The following FAM171A1 variants were observed in gnomAD, a reference collection of about 807,000 sequenced individuals.
FAM171A1 encodes the protein protein FAM171A1.
In FAM171A1, 23 loss-of-function variants were observed where a neutral mutation model predicts 74.9. The ratio of observed to expected loss-of-function variants is 0.31; its 90% CI spans 0.22 to 0.44. The LOEUF (loss-of-function observed/expected upper bound fraction) is 0.44. Ranked by LOEUF, FAM171A1 falls within the 20% of genes least tolerant of loss-of-function variation. The probability of loss-of-function intolerance (pLI) is 1.00; values close to 1 mark genes in which losing one functional copy is unlikely to be tolerated. For synonymous variants in FAM171A1, 527 were observed against 505.7 expected, an observed-to-expected ratio of 1.04 and a Z score of -0.57; for missense variants, 1,162 against 1,159.2, an observed-to-expected ratio of 1.00 and a Z score of -0.03.
chr10:15,330,896 AT>A (rs200136317), intron 1 of FAM171A1, among the ~76,000 whole-genome samples: 5 of 134,012 alleles, frequency 3.7e-5, no homozygotes, highest in African/African-American at 8.4e-5. Context: ...TTTTTATTTT[AT>A]TTTTTTTTTG....
chr10:15,290,681 G>C (rs150392449), intron 1 of FAM171A1, among the ~76,000 whole-genome samples: 5 of 152,276 alleles, frequency 3.3e-5, no homozygotes, highest in African/African-American at 1.2e-4. Context: ...GCAGAACGGG[G>C]AACCTATTTT....
chr10:15,346,464 G>C (rs936237755), intron 1 of FAM171A1, among the ~76,000 whole-genome samples: 11 of 152,268 alleles, frequency 7.2e-5, no homozygotes, highest in South Asian at 2.1e-4. Context: ...GGAGCCACAG[G>C]CAGGAAAATG....
At chr10:15,331,845 G>GTGTA (rs1332889318) in intron 1 of FAM171A1, among the ~76,000 whole-genome samples, 1 of 55,344 alleles carries the variant, frequency 1.8e-5, no homozygotes, top group Non-Finnish European at 3.5e-5. Flanking sequence ...ATATATGTGT[G>GTGTA]TATATATATG....
intron 3 of FAM171A1, among the ~76,000 whole-genome samples, chr10:15,261,542 T>C (rs1376335000): frequency 6.6e-6 from 1 of 152,190 alleles, no homozygotes. Context: ...AACGGCTTGA[T>C]TATCATAGTG....
At chr10:15,270,164 G>A (rs1006923668) in intron 3 of FAM171A1, among the ~76,000 whole-genome samples, 2 of 152,146 alleles carry the variant, frequency 1.3e-5, no homozygotes, top group South Asian at 4.1e-4. Flanking sequence ...CTGGAAAATC[G>A]GGACACTCCC....
intron 3 of FAM171A1, among the ~76,000 whole-genome samples, chr10:15,271,235 C>T (rs1834820813): frequency 1.3e-5 from 2 of 152,284 alleles, no homozygotes; most frequent in South Asian, 4.1e-4. Context: ...CTACGTGACA[C>T]ATGCACAAGC....
intron 3 of FAM171A1, among the ~76,000 whole-genome samples, chr10:15,266,165 G>C (rs970052917): frequency 2.0e-5 from 3 of 152,196 alleles, no homozygotes; most frequent in African/African-American, 7.2e-5. Flanking sequence ...GCTCACAGAA[G>C]GCCTGGCACA....
intron 1 of FAM171A1, among the ~76,000 whole-genome samples, chr10:15,363,036 T>A (rs763032633): frequency 2.0e-5 from 3 of 152,188 alleles, no homozygotes; most frequent in Non-Finnish European, 4.4e-5. Context: ...ATGCTAAGAT[T>A]TAGGAACTTG....
intron 1 of FAM171A1, among the ~76,000 whole-genome samples, chr10:15,363,978 A>G (rs11259623): frequency 0.034 from 4,957 of 145,078 alleles, 282 homozygotes; most frequent in African/African-American, 0.12. Context: ...TGAGAGAGGC[A>G]GAGAAATCTC....
chr10:15,299,754 G>A (rs1191101559), intron 1 of FAM171A1, among the ~76,000 whole-genome samples: 2 of 151,950 alleles, frequency 1.3e-5, no homozygotes, highest in Admixed American at 6.6e-5. Flanking sequence ...CGAGGTGGGC[G>A]GATCATGAGG....
At chr10:15,246,602 ACCTCTGCCTCCCAGGTTCAAGGGAT>A (rs1834438143) in intron 5 of FAM171A1, among the ~76,000 whole-genome samples, 4 of 152,160 alleles carry the variant, frequency 2.6e-5, no homozygotes, top group Non-Finnish European at 5.9e-5. Context: ...GCTCACTGCA[ACCTCTGCCTCCCAGGTTCAAGGGAT>A]CCTCCCAACT....
intron 1 of FAM171A1, among the ~76,000 whole-genome samples, chr10:15,337,457 G>A (rs1252931148): frequency 2.0e-5 from 3 of 152,308 alleles, no homozygotes; most frequent in Admixed American, 6.5e-5. Context: ...AGCAGTAGGG[G>A]CCGGGTGCGG....
At chr10:15,344,516 G>A (rs1270704196) in intron 1 of FAM171A1, among the ~76,000 whole-genome samples, 1 of 152,196 alleles carries the variant, frequency 6.6e-6, no homozygotes, top group Non-Finnish European at 1.5e-5. Flanking sequence ...TTGCACTCCA[G>A]CCTAGGTGAC....
rs941239156 is a variant in FAM171A1, at chr10:15,213,626, C to T, written c.1962G>A (p.Arg654=). ...SQQHLQDAGT[R]EWSPQNASMS... is the part of the protein sequence containing the mutation. ...TGGATGCGTTCTGAGGGCTCCACTC[C>T]CGGGTGCCCGCATCCTGCAGGTGCT... Residue 654 remains arginine (R), a synonymous_variant, in exon 8 of 8, where the codon CGG becomes CGA. Coordinates refer to ENST00000378116, the MANE Select transcript of FAM171A1 (RefSeq NM_001010924.2). The surrounding 1 kb of genome is among the most constrained non-coding windows in gnomAD (Gnocchi z 6.8). 2 of 1,614,020 alleles carry T rather than the reference C, an allele frequency of 1.2e-6. No individual in the cohort carries two copies. Among genetic ancestry groups the T allele is most frequent in the Non-Finnish European group, 1.7e-6 (2 of 1,180,014 alleles).
chr10:15,234,677 G>T (rs1469062533), intron 5 of FAM171A1, among the ~76,000 whole-genome samples: 2 of 151,318 alleles, frequency 1.3e-5, no homozygotes, highest in African/African-American at 2.4e-5. Context: ...TTTTGAGACG[G>T]AGTCTTGCTC....
At chr10:15,278,472 G>GT (rs1427010964) in intron 2 of FAM171A1, among the ~76,000 whole-genome samples, 1 of 152,138 alleles carries the variant, frequency 6.6e-6, no homozygotes, top group Non-Finnish European at 1.5e-5. Context: ...AGCATTATCC[G>GT]TAACAGCCGA....
At chr10:15,332,491 T>C (rs1835651592) in intron 1 of FAM171A1, among the ~76,000 whole-genome samples, 1 of 152,220 alleles carries the variant, frequency 6.6e-6, no homozygotes, top group African/African-American at 2.4e-5. Flanking sequence ...AGGGACAGGT[T>C]CTGGGGCGCT....
intron 1 of FAM171A1, among the ~76,000 whole-genome samples, chr10:15,329,665 G>A (rs1835603463): frequency 6.8e-6 from 1 of 148,086 alleles, no homozygotes; most frequent in Non-Finnish European, 1.5e-5. Context: ...GACTCAATAA[G>A]AACAAGTAAC....
intron 1 of FAM171A1, among the ~76,000 whole-genome samples, chr10:15,336,038 T>A (rs559467778): frequency 6.6e-6 from 1 of 152,178 alleles, no homozygotes; most frequent in African/African-American, 2.4e-5. Flanking sequence ...TAATACAGCA[T>A]GTGGTGTCAG....
Sources: allele counts gnomAD v4.1 joint callset (sites outside exome capture counted in the v4.1 genomes callset), GRCh38; gene constraint gnomAD v4.1.1; non-coding constraint Gnocchi (gnomAD v3.1); transcripts MANE v1.5; gene names NCBI Gene and HGNC (gene_info 2026-07-23, HGNC 2026-07-21).